Variants in PLEKHG3 observed in about 807,000 individuals in gnomAD.
PLEKHG3 encodes pleckstrin homology domain-containing family G member 3.
PLEKHG3 carries 62 observed loss-of-function variants against 94.9 expected under a neutral mutation model. The ratio of observed to expected loss-of-function variants is 0.65; its 90% CI spans 0.53 to 0.81. The LOEUF (loss-of-function observed/expected upper bound fraction) is 0.81, where lower values mean the gene tolerates loss of function less well. Among genes scored for constraint, PLEKHG3 ranks in the 30% least tolerant of loss-of-function variants. The pLI is 0.00. For synonymous variants in PLEKHG3, 614 were observed against 654.0 expected (o/e 0.94, Z 0.93); for missense variants, 1,461 against 1,619.3 (o/e 0.90, Z 1.68).
In PLEKHG3 at chr14:64,743,030, C is replaced by T; in HGVS notation, c.2987C>T (p.Ala996Val). The change falls in exon 17 of 17, where the codon GCC becomes GTC. Residue 996 changes from alanine (A) to valine (V), a missense_variant. Transcript: ENST00000247226. The surrounding 1 kb of genome is among the most constrained non-coding windows in gnomAD (Gnocchi z 7.2). ...CTATTTGACTATGAGCAGCTGATGGCCCAGGAGCACAGCCCTCCCAAGCCC... is the reference window on the plus strand; with the variant it reads ...CTATTTGACTATGAGCAGCTGATGGTCCAGGAGCACAGCCCTCCCAAGCCC... ...LSLFDYEQLMAQEHSPPKPSS... is the reference protein window; with the variant it reads ...LSLFDYEQLMVQEHSPPKPSS... The T allele has an allele frequency of 1.2e-6, 2 of 1,613,076 alleles. No individual in the cohort carries two copies. Among genetic ancestry groups the T allele is most frequent in the Non-Finnish European group, 1.7e-6 (2 of 1,179,658 alleles).
chr14:64,740,533 G>A lies in PLEKHG3; in HGVS notation c.1519-503G>A, dbSNP rs148016700. On this transcript the variant is annotated intron_variant, in intron 15 of 16. Coordinates refer to ENST00000247226, the MANE Select transcript of PLEKHG3 (RefSeq NM_001308147.2). ...CTCTAGACCCTAATCCACATGGGAG[G>A]CCCTGTCCCCTGAGGAAAATGAAAT... Among the ~76,000 whole-genome samples the A allele has an allele frequency of 2.2e-3, 335 of 152,310 alleles. 1 individual carries two copies. The highest frequency in any genetic ancestry group is 7.3e-3 in the African/African-American group (303 of 41,564).
In PLEKHG3 at chr14:64,749,128, C is replaced by T. The variant is rs887002876; in HGVS notation, c.*5425C>T. 7.7e-6 allele frequency: 5 copies of T among 652,242 alleles called. No homozygotes were observed. Among genetic ancestry groups the T allele is most frequent in the Middle Eastern group, 4.6e-4 (1 of 2,174 alleles). The allele number at this position is 652,242 out of a possible 1,614,324, so 40.4% of individuals were successfully genotyped here. ...AGCGCGGGCGAGGGCATGGAGGGGG[C>T]GTCGGCCCAGGACACGCGGGCGAAG... On this transcript the variant is annotated 3_prime_UTR_variant, in exon 17 of 17. Coordinates refer to ENST00000247226, the MANE Select transcript of PLEKHG3 (RefSeq NM_001308147.2). The surrounding 1 kb of genome is among the most constrained non-coding windows in gnomAD (Gnocchi z 4.7).
In PLEKHG3 at chr14:64,744,714, T is replaced by G. The variant is rs533388526; in HGVS notation, c.*1011T>G. The G allele has an allele frequency of 9.9e-5, 15 of 151,884 alleles. No individual in the cohort carries two copies. In the East Asian group the frequency reaches 2.9e-3, roughly 29 times the overall value. 9.4% of individuals were successfully genotyped at this position (151,884 alleles called of 1,614,324 possible). ...TTTTCTCATAAGCAGATGCTCCCAGTATCTGGTGCCTTTTGCGTTTCTCTC... is the reference window on the plus strand; with the variant it reads ...TTTTCTCATAAGCAGATGCTCCCAGGATCTGGTGCCTTTTGCGTTTCTCTC... On this transcript the variant is annotated 3_prime_UTR_variant, in exon 17 of 17. Transcript: ENST00000247226.
At chr14:64,710,149 T>C (rs1176401184) in intron 1 of PLEKHG3, among the ~76,000 whole-genome samples, 1 of 152,214 alleles carries the variant, frequency 6.6e-6, no homozygotes, top group East Asian at 1.9e-4. Context: ...TAGCGTTGGA[T>C]ATAGTTCTTC....
rs1400362433 is a variant in PLEKHG3, at chr14:64,746,589, T to A, written c.*2886T>A. On this transcript the variant is annotated 3_prime_UTR_variant, in exon 17 of 17. Coordinates refer to ENST00000247226, the MANE Select transcript of PLEKHG3 (RefSeq NM_001308147.2). This position sits in a 1 kb window ranked among gnomAD's most constrained non-coding sequence, Gnocchi z 4.9. ...CCTAGGGGACCCTGGCTCCCTCCGA[T>A]AGGCAGGAAGGAGGAGGGATGCGGA... 1 of 152,398 alleles carries A rather than the reference T, an allele frequency of 6.6e-6. No individual in the cohort carries two copies. Among genetic ancestry groups the A allele is most frequent in the Non-Finnish European group, 1.5e-5 (1 of 68,042 alleles). The allele number at this position is 152,398 out of a possible 1,614,324, so 9.4% of individuals were successfully genotyped here.
rs2081740471 is a variant in PLEKHG3, at chr14:64,742,971, T to C, written c.2939-11T>C. On this transcript the variant is annotated splice_polypyrimidine_tract_variant and intron_variant, in intron 16 of 16. Coordinates refer to ENST00000247226, the MANE Select transcript of PLEKHG3 (RefSeq NM_001308147.2). ...GCCCCATGCTTCAGGCAGCTTGCTC[T>C]CTCCTCATAGGTAAGAGGAAGCCGG... 4 of 1,612,956 alleles carry C rather than the reference T, an allele frequency of 2.5e-6. No individual in the cohort carries two copies. The highest frequency in any genetic ancestry group is 1.7e-5 in the Admixed American group (1 of 59,994).
rs751150261 is a variant in PLEKHG3, at chr14:64,749,633, G to T, written c.*5930G>T. 1 of 1,613,418 alleles carries T rather than the reference G, an allele frequency of 6.2e-7. No homozygotes were observed. On this transcript the variant is annotated 3_prime_UTR_variant, in exon 17 of 17. Transcript: ENST00000247226. This position sits in a 1 kb window ranked among gnomAD's most constrained non-coding sequence, Gnocchi z 4.7. ...CCTACCCCCTTCTTAGCCAGGTCTGGGCTAGGCTGCCCGCGCTTACCTCAT... is the reference window on the plus strand; with the variant it reads ...CCTACCCCCTTCTTAGCCAGGTCTGTGCTAGGCTGCCCGCGCTTACCTCAT...
At position 64,723,950 on chromosome 14, in the gene PLEKHG3, T is replaced by G. The variant is rs1179686465; in HGVS notation, c.-39-3643T>G. On this transcript the variant is annotated intron_variant, in intron 1 of 16. Coordinates refer to ENST00000247226, the MANE Select transcript of PLEKHG3 (RefSeq NM_001308147.2). The surrounding 1 kb of genome is among the most constrained non-coding windows in gnomAD (Gnocchi z 4.5). ...GGATGGGGTAGGCGTGGGTACCTGG[T>G]TTGAGGGTTTGGTTGCTGCCTGCCT... is the stretch of plus-strand genomic sequence containing the variant. The G allele has an allele frequency of 6.6e-6, 1 of 152,056 alleles. No homozygotes were observed. Among genetic ancestry groups the G allele is most frequent in the Non-Finnish European group, 1.5e-5 (1 of 68,032 alleles). 9.4% of individuals were successfully genotyped at this position (152,056 alleles called of 1,614,324 possible).
At chr14:64,705,901 C>A (rs1416801435) in intron 1 of PLEKHG3, among the ~76,000 whole-genome samples, 2 of 152,204 alleles carry the variant, frequency 1.3e-5, no homozygotes, top group Non-Finnish European at 2.9e-5. Context: ...TCCGGGCTGG[C>A]CCCCTGGATG....
chr14:64,741,015 G>C (rs777867743), intron 15 of PLEKHG3, 21 bp from the exon 16 acceptor site: 1 of 1,544,060 alleles, frequency 6.5e-7, no homozygotes, highest in Non-Finnish European at 8.7e-7. Flanking sequence ...ACTCATGTGA[G>C]CCTTTTCTGC....
intron 1 of PLEKHG3, among the ~76,000 whole-genome samples, chr14:64,706,730 G>A (rs970499291): frequency 2.6e-5 from 4 of 152,238 alleles, no homozygotes; most frequent in African/African-American, 4.8e-5. Flanking sequence ...GCTATCCCAC[G>A]GTCACTGTTT....
intron 14 of PLEKHG3, chr14:64,737,791 C>CG: frequency 2.5e-6 from 2 of 811,730 alleles, no homozygotes; most frequent in South Asian, 4.0e-5. Context: ...GCTCCCCCCC[C>CG]GCAGCTGCCT....
rs1184878603 is a variant in PLEKHG3, at chr14:64,716,289, C to G, written c.-39-11304C>G. On this transcript the variant is annotated intron_variant, in intron 1 of 16. Transcript: ENST00000247226. The surrounding 1 kb of genome is among the most constrained non-coding windows in gnomAD (Gnocchi z 5.0). ...AGGGAGCAGGCATAGGTGAGCTGCT[C>G]TTCTTAGTGGACTGTCATGTGTCTG... Among the ~76,000 whole-genome samples the G allele has an allele frequency of 4.6e-5, 7 of 152,066 alleles. No individual in the cohort carries two copies. The highest frequency in any genetic ancestry group is 1.0e-4 in the Non-Finnish European group (7 of 68,026).
Position 64,750,032 on chromosome 14 carries a change from A to T in PLEKHG3, c.*6329A>T. ...CTTGTAGTTGGCAGCAATCTCACAG[A>T]TGGCATGTCTCAGGGCCAGGGGTTC... On this transcript the variant is annotated 3_prime_UTR_variant, in exon 17 of 17. Transcript: ENST00000247226. The T allele has an allele frequency of 6.2e-7, 1 of 1,614,208 alleles. No individual in the cohort carries two copies. Among genetic ancestry groups the T allele is most frequent in the Non-Finnish European group, 8.5e-7 (1 of 1,180,040 alleles).
In PLEKHG3 at chr14:64,741,595, G is replaced by T. The variant is rs1212417449; in HGVS notation, c.2078G>T (p.Cys693Phe). Residue 693 changes from cysteine to phenylalanine, a missense_variant, in exon 16 of 17, where the codon TGC becomes TTC. Cys to Phe is a radical substitution (Grantham distance 205, BLOSUM62 -2). Coordinates refer to ENST00000247226, the MANE Select transcript of PLEKHG3 (RefSeq NM_001308147.2). ...VNGMEPPSPGCPVEPDRSSCK... is the reference protein window; with the variant it reads ...VNGMEPPSPGFPVEPDRSSCK... The stretch of plus-strand genomic sequence containing the variant: ...GGGATGGAGCCCCCAAGCCCAGGCT[G>T]CCCAGTGGAGCCTGACCGGTCTTCC... The T allele has an allele frequency of 4.3e-6, 7 of 1,612,932 alleles. No individual in the cohort carries two copies. The highest frequency in any genetic ancestry group is 5.1e-6 in the Non-Finnish European group (6 of 1,179,996).
rs550309355 is a variant in PLEKHG3, at chr14:64,749,921, C to T, written c.*6218C>T. On this transcript the variant is annotated 3_prime_UTR_variant, in exon 17 of 17. Coordinates refer to ENST00000247226, the MANE Select transcript of PLEKHG3 (RefSeq NM_001308147.2). The surrounding 1 kb of genome is among the most constrained non-coding windows in gnomAD (Gnocchi z 4.7). ...TGGTCCCCTACAGAGGGCCTCTGCC[C>T]TGCCACTAATGCCAAATCAAGCCAT... The T allele has an allele frequency of 1.4e-5, 23 of 1,609,770 alleles. No individual in the cohort carries two copies. Among genetic ancestry groups the T allele is most frequent in the Non-Finnish European group, 1.8e-5 (21 of 1,176,292 alleles).
intron 1 of PLEKHG3, among the ~76,000 whole-genome samples, chr14:64,724,273 G>A (rs751199042): frequency 1.3e-5 from 2 of 152,018 alleles, no homozygotes; most frequent in African/African-American, 4.8e-5. Context: ...CCTCTTATCC[G>A]TCACCATCAA....
rs1192457493 is a variant in PLEKHG3, at chr14:64,738,581, A to C, written c.1405-161A>C. Among the ~76,000 whole-genome samples the C allele has an allele frequency of 6.6e-6, 1 of 152,254 alleles. No homozygotes were observed. The highest frequency in any genetic ancestry group is 1.5e-5 in the Non-Finnish European group (1 of 68,044). On this transcript the variant is annotated intron_variant, in intron 14 of 16. Transcript: ENST00000247226. The surrounding 1 kb of genome is among the most constrained non-coding windows in gnomAD (Gnocchi z 4.8). ...GCCTGACAAGGCTTTCCGCAGCCCCAGGCCTGGCAGTTCAGGTTGGCTCTG... is the reference window on the plus strand; with the variant it reads ...GCCTGACAAGGCTTTCCGCAGCCCCCGGCCTGGCAGTTCAGGTTGGCTCTG...
In PLEKHG3 at chr14:64,729,085, GC is replaced by G. The variant is rs781776324; in HGVS notation, c.442del (p.Leu148Ter). 2.0e-6 allele frequency: 3 copies of G among 1,475,266 alleles called. No homozygotes were observed. Among genetic ancestry groups the G allele is most frequent in the African/African-American group, 1.4e-5 (1 of 71,652 alleles). The allele number at this position is 1,475,266 out of a possible 1,614,324, so 91.4% of individuals were successfully genotyped here. The part of the protein sequence containing the change: ...LFGNIENIYA[L>X]NSQLLRDLDS... ...TTGGGAACATAGAAAATATCTACGC[GC>G]TGAACAGGTGTGTGAATGGGCCTGA... On this transcript the variant is annotated frameshift_variant, in exon 3 of 17. Transcript: ENST00000247226. LOFTEE classifies it high-confidence loss of function.
Sources: allele counts gnomAD v4.1 joint callset (sites outside exome capture counted in the v4.1 genomes callset), GRCh38; gene constraint gnomAD v4.1.1; non-coding constraint Gnocchi (gnomAD v3.1); transcripts MANE v1.5; gene names NCBI Gene and HGNC (gene_info 2026-07-23, HGNC 2026-07-21).